Variants in GABRB1 observed in about 807,000 individuals in gnomAD.
GABRB1 encodes gamma-aminobutyric acid type A receptor subunit beta1.
In GABRB1, 17 loss-of-function variants were observed where a neutral mutation model predicts 51.6. The observed-to-expected ratio is 0.33, with a 90% confidence interval of 0.23 to 0.49. GABRB1 has a LOEUF of 0.49. Among genes scored for constraint, GABRB1 ranks in the 20% least tolerant of loss-of-function variants. The pLI, the probability that GABRB1 is intolerant of heterozygous loss-of-function variation, is 0.99. For synonymous variants in GABRB1, 247 were observed against 218.9 expected, an observed-to-expected ratio of 1.13 and a Z score of -1.14; for missense variants, 410 against 600.6, an observed-to-expected ratio of 0.68 and a Z score of 3.32.
chr4:47,234,772 C>T (rs1394421922), intron 4 of GABRB1, among the ~76,000 whole-genome samples: 1 of 152,144 alleles, frequency 6.6e-6, no homozygotes, highest in Non-Finnish European at 1.5e-5. Context: ...TGTAAATTCT[C>T]CTTTTTCTTT....
At chr4:47,331,204 G>C (rs550127330) in intron 5 of GABRB1, among the ~76,000 whole-genome samples, 1 of 152,052 alleles carries the variant, frequency 6.6e-6, no homozygotes, top group South Asian at 2.1e-4. Flanking sequence ...TTTAGTGCCT[G>C]TAGCTTTTTT....
At chr4:47,343,356 A>G (rs1395657961) in intron 5 of GABRB1, among the ~76,000 whole-genome samples, 3 of 152,152 alleles carry the variant, frequency 2.0e-5, no homozygotes, top group Admixed American at 2.0e-4. Flanking sequence ...AATGTTTGTG[A>G]CTTCAAAATG....
At chr4:47,305,050 A>C (rs550114641) in intron 4 of GABRB1, among the ~76,000 whole-genome samples, 1 of 152,204 alleles carries the variant, frequency 6.6e-6, no homozygotes, top group African/African-American at 2.4e-5. Context: ...AAAGAAACCA[A>C]CATTTTGTAC....
intron 4 of GABRB1, among the ~76,000 whole-genome samples, chr4:47,267,532 C>T (rs1281643911): frequency 6.6e-6 from 1 of 152,172 alleles, no homozygotes; most frequent in East Asian, 1.9e-4. Context: ...CGGTGGCTCA[C>T]GCCTGTAATC....
chr4:47,162,715 G>A (rs1718015455), intron 4 of GABRB1, among the ~76,000 whole-genome samples: 2 of 152,020 alleles, frequency 1.3e-5, no homozygotes, highest in South Asian at 4.1e-4. Context: ...TGATTCCCAT[G>A]CCTGTGCTTT....
chr4:47,032,704 A>C (rs1176033292), intron 3 of GABRB1: 1 of 710,206 alleles, frequency 1.4e-6, no homozygotes, highest in Non-Finnish European at 2.6e-6. Context: ...CGTGCTCGGC[A>C]CTATTTTGGG....
At chr4:47,187,123 T>G (rs1285431107) in intron 4 of GABRB1, among the ~76,000 whole-genome samples, 1 of 151,880 alleles carries the variant, frequency 6.6e-6, no homozygotes, top group Non-Finnish European at 1.5e-5. Flanking sequence ...AAAACTTCTT[T>G]TATCAACGAA....
At chr4:47,019,073 A>C (rs577215476) in intron 1 of GABRB1, among the ~76,000 whole-genome samples, 1 of 152,290 alleles carries the variant, frequency 6.6e-6, no homozygotes, top group African/African-American at 2.4e-5. Flanking sequence ...AAATAATTTG[A>C]CACTCCAGAC....
intron 3 of GABRB1, among the ~76,000 whole-genome samples, chr4:47,146,084 A>G (rs1179503966): frequency 1.3e-5 from 2 of 152,050 alleles, no homozygotes; most frequent in African/African-American, 2.4e-5. Flanking sequence ...AAAATTCTGC[A>G]TTATGTTTGC....
At chr4:47,217,860 T>C (rs1720615388) in intron 4 of GABRB1, among the ~76,000 whole-genome samples, 1 of 151,860 alleles carries the variant, frequency 6.6e-6, no homozygotes, top group Non-Finnish European at 1.5e-5. Context: ...CTCTTCTAGC[T>C]ATTTTGAAAT....
intron 5 of GABRB1, among the ~76,000 whole-genome samples, chr4:47,361,211 G>A (rs1026580908): frequency 1.3e-5 from 2 of 152,082 alleles, no homozygotes; most frequent in African/African-American, 4.8e-5. Context: ...AGGAGGTCAA[G>A]GAAACCGCAA....
intron 4 of GABRB1, among the ~76,000 whole-genome samples, chr4:47,165,826 CA>C (rs1443780403): frequency 6.6e-6 from 1 of 152,098 alleles, no homozygotes; most frequent in African/African-American, 2.4e-5. Context: ...TTGATTTTCT[CA>C]AAACTGGGCC....
rs149065642 is a variant in GABRB1, at chr4:47,069,985, C to T, written c.240+37501C>T. 7.9e-5 allele frequency among the ~76,000 whole-genome samples: 12 copies of T among 152,006 alleles called. No individual in the cohort carries two copies. In the East Asian group the frequency reaches 2.3e-3, roughly 29 times the overall value. On this transcript the variant is annotated intron_variant, in intron 3 of 8. Coordinates refer to ENST00000295454, the MANE Select transcript of GABRB1 (RefSeq NM_000812.4). ...AATGGTCATTCTCAGTCATCTTATTCAGTGAAAATATTGCACTTGCCCTTC... is the reference window on the plus strand; with the variant it reads ...AATGGTCATTCTCAGTCATCTTATTTAGTGAAAATATTGCACTTGCCCTTC...
intron 3 of GABRB1, among the ~76,000 whole-genome samples, chr4:47,078,011 A>T (rs1727650533): frequency 7.3e-6 from 1 of 136,618 alleles, no homozygotes; most frequent in Non-Finnish European, 1.5e-5. Context: ...TATATTGGGA[A>T]GGAGTTTTGC....
chr4:47,035,332 C>A (rs1577844921), intron 3 of GABRB1, among the ~76,000 whole-genome samples: 1 of 152,148 alleles, frequency 6.6e-6, no homozygotes, highest in South Asian at 2.1e-4. Flanking sequence ...GAAACAAAAG[C>A]AATCTTTACA....
intron 5 of GABRB1, among the ~76,000 whole-genome samples, chr4:47,384,797 T>C (rs1165101994): frequency 6.6e-6 from 1 of 152,190 alleles, no homozygotes; most frequent in Non-Finnish European, 1.5e-5. Context: ...TTTGACACAC[T>C]AAGTGCCTGT....
At chr4:47,358,371 ATG>A (rs1042762455) in intron 5 of GABRB1, among the ~76,000 whole-genome samples, 98 of 151,346 alleles carry the variant, frequency 6.5e-4, no homozygotes, top group African/African-American at 2.2e-3. Context: ...GTGTATATAT[ATG>A]TGTGTGTGTA....
At chr4:47,301,931 A>AT (rs1231294588) in intron 4 of GABRB1, among the ~76,000 whole-genome samples, 1 of 152,182 alleles carries the variant, frequency 6.6e-6, no homozygotes, top group Non-Finnish European at 1.5e-5. Flanking sequence ...AGGTGAGATA[A>AT]TTTTGACTAC....
intron 5 of GABRB1, among the ~76,000 whole-genome samples, chr4:47,338,231 ACT>A (rs1265872943): frequency 6.6e-6 from 1 of 151,934 alleles, no homozygotes; most frequent in Non-Finnish European, 1.5e-5. Context: ...TATTTGTCTC[ACT>A]CTTCCTGGCT....
Sources: gnomAD v4.1 joint callset for allele counts (sites outside exome capture counted in the v4.1 genomes callset) on GRCh38, gnomAD v4.1.1 for gene constraint, MANE v1.5 for transcripts, NCBI Gene and HGNC (gene_info 2026-07-23, HGNC 2026-07-21) for gene names.